CNGB3: variants seen among roughly 807,000 people sequenced by gnomAD.
CNGB3 encodes cyclic nucleotide gated channel subunit beta 3, also known as cyclic nucleotide-gated channel beta-3.
In CNGB3, 86 loss-of-function variants were observed where a neutral mutation model predicts 92.8. The ratio of observed to expected loss-of-function variants is 0.93; its 90% CI spans 0.78 to 1.11. The LOEUF is 1.11. Among genes scored for constraint, CNGB3 ranks in the 50% least tolerant of loss-of-function variants. The probability of loss-of-function intolerance (pLI) is 0.00; values close to 1 mark genes in which losing one functional copy is unlikely to be tolerated. For synonymous variants in CNGB3, 333 were observed against 332.7 expected (o/e 1.00, Z -0.01); for missense variants, 1,026 against 956.8 (o/e 1.07, Z -0.95).
intron 7 of CNGB3, among the ~76,000 whole-genome samples, chr8:86,649,310 A>C (rs1241188606): frequency 1.3e-5 from 2 of 151,688 alleles, no homozygotes; most frequent in East Asian, 1.9e-4. Context: ...CAGAATTAGA[A>C]AAAACAATTC....
At position 86,653,041 on chromosome 8, in the gene CNGB3, C is replaced by T. The variant is rs181371354; in HGVS notation, c.903+971G>A. On this transcript the variant is annotated intron_variant, in intron 7 of 17. Transcript: ENST00000320005. Reference sequence around the variant, plus strand: ...ACATTGCACTGTAATGTTATGATGGCTGTGATGTCACTAGGCAATAGGGAT... The same window carrying T: ...ACATTGCACTGTAATGTTATGATGGTTGTGATGTCACTAGGCAATAGGGAT... Among the ~76,000 whole-genome samples the T allele has an allele frequency of 7.9e-5, 12 of 152,214 alleles. No homozygotes were observed. In the East Asian group the frequency reaches 2.1e-3, roughly 27 times the overall value.
intron 3 of CNGB3, among the ~76,000 whole-genome samples, chr8:86,722,556 C>T (rs1371189879): frequency 6.6e-6 from 1 of 152,058 alleles, no homozygotes; most frequent in Non-Finnish European, 1.5e-5. Context: ...AGATATTTGG[C>T]CAAACATTAT....
chr8:86,657,380 T>A (rs1823531272), intron 6 of CNGB3: 1 of 458,262 alleles, frequency 2.2e-6, no homozygotes, highest in Admixed American at 2.4e-5. Context: ...GTGGCCGGCT[T>A]TTAGATGATG....
intron 11 of CNGB3, among the ~76,000 whole-genome samples, chr8:86,630,859 C>A (rs1822949028): frequency 6.6e-6 from 1 of 152,088 alleles, no homozygotes; most frequent in Non-Finnish European, 1.5e-5. Context: ...GGGCACAGAG[C>A]CAGACCCTGT....
chr8:86,693,590 C>T (rs944955078), intron 3 of CNGB3, among the ~76,000 whole-genome samples: 9 of 150,206 alleles, frequency 6.0e-5, no homozygotes, highest in Middle Eastern at 3.4e-3. Flanking sequence ...GAGGACCCTG[C>T]GGCCTTCCGC....
At position 86,578,808 on chromosome 8, in the gene CNGB3, G is replaced by T; in HGVS notation, c.1984C>A (p.Leu662Ile). The change falls in exon 17 of 18, where the codon CTT (leucine) becomes ATT (isoleucine). Residue 662 changes from leucine to isoleucine, a missense_variant. Coordinates refer to ENST00000320005, the MANE Select transcript of CNGB3 (RefSeq NM_019098.5). ...TAEATPPRKDLALLFPPKEET... is the reference protein window; with the variant it reads ...TAEATPPRKDIALLFPPKEET... ...TCTTTCGGTGGGAAGAGGAGGGCAA[G>T]ATCTTTTCTTGGAGGGGTTGCTTCT... 1 of 1,614,118 alleles carries T rather than the reference G, an allele frequency of 6.2e-7. No individual in the cohort carries two copies. The highest frequency in any genetic ancestry group is 1.6e-4 in the Middle Eastern group (1 of 6,062).
chr8:86,643,863 T>A lies in CNGB3; in HGVS notation c.1066A>T (p.Thr356Ser). ...DKAYIYRVIR[T>S]TGYLLFILHI... Reference sequence around the variant, plus strand: ...AGAATAAACAGCAAGTATCCAGTTGTTCGAATAACTCTGTCAGAGAGAATA... The same window carrying A: ...AGAATAAACAGCAAGTATCCAGTTGATCGAATAACTCTGTCAGAGAGAATA... Residue 356 changes from threonine to serine, a missense_variant, in exon 10 of 18, where the codon ACA (threonine) becomes TCA (serine). Thr to Ser is a moderately conservative substitution (Grantham distance 58). Transcript: ENST00000320005. The A allele has an allele frequency of 6.2e-7, 1 of 1,605,994 alleles. No individual in the cohort carries two copies.
At chr8:86,665,846 A>G (rs58714138) in intron 6 of CNGB3, among the ~76,000 whole-genome samples, 16,936 of 152,142 alleles carry the variant, frequency 0.11, 1,412 homozygotes, top group African/African-American at 0.23. Flanking sequence ...GCATCACCCA[A>G]GATACCCAGG....
intron 3 of CNGB3, among the ~76,000 whole-genome samples, chr8:86,689,912 A>C (rs897005146): frequency 2.0e-5 from 3 of 152,146 alleles, no homozygotes; most frequent in Non-Finnish European, 4.4e-5. Context: ...TTATGGCTGC[A>C]TAGTATTCCA....
intron 8 of CNGB3, among the ~76,000 whole-genome samples, chr8:86,645,399 C>T (rs187331421): frequency 1.3e-5 from 2 of 151,360 alleles, no homozygotes; most frequent in Admixed American, 6.6e-5. Context: ...AGTTCTATCT[C>T]TACCACTTAC....
rs1821642406 is a variant in CNGB3, at chr8:86,575,614, C to T, written c.*190G>A. 1 of 529,448 alleles carries T rather than the reference C, an allele frequency of 1.9e-6. No individual in the cohort carries two copies. The highest frequency in any genetic ancestry group is 3.1e-5 in the South Asian group (1 of 32,232). The allele number at this position is 529,448 out of a possible 1,614,324, so 32.8% of individuals were successfully genotyped here. ...TAATGAAAACGGAGAATAGGGATGG[C>T]TTTTAATAATCTTCTTATTACCACT... On this transcript the variant is annotated 3_prime_UTR_variant, in exon 18 of 18. Transcript: ENST00000320005.
chr8:86,729,651 CTCA>C (rs754265481), intron 2 of CNGB3, among the ~76,000 whole-genome samples: 13 of 152,208 alleles, frequency 8.5e-5, no homozygotes, highest in Admixed American at 6.5e-4. Context: ...CCCATGAGGA[CTCA>C]AAACAAAAGA....
chr8:86,652,602 T>C (rs532027108), intron 7 of CNGB3, among the ~76,000 whole-genome samples: 1 of 152,142 alleles, frequency 6.6e-6, no homozygotes, highest in Admixed American at 6.6e-5. Context: ...CTTTTAAGCT[T>C]TTTTGTTAAA....
chr8:86,712,953 T>TAAAAAAAG (rs1824778283), intron 3 of CNGB3, among the ~76,000 whole-genome samples: 1 of 151,246 alleles, frequency 6.6e-6, no homozygotes, highest in African/African-American at 2.4e-5. Flanking sequence ...TTAACTAGTT[T>TAAAAAAAG]AAAAAAAGAA....
chr8:86,647,861 A>C lies in CNGB3; in HGVS notation c.930T>G (p.Phe310Leu). The change falls in exon 8 of 18, where the codon TTT becomes TTG. Residue 310 changes from phenylalanine (F) to leucine (L), a missense_variant. Physicochemically the swap from Phe to Leu is conservative, Grantham distance 22. Coordinates refer to ENST00000320005, the MANE Select transcript of CNGB3 (RefSeq NM_019098.5). ...ACCCAAAGAAGAGGTAGCAAATATC[A>C]AATGGTATTATTGATGCGACATCCA... is the stretch of plus-strand genomic sequence containing the variant. The part of the protein sequence containing the change: ...FQLDVASIIP[F>L]DICYLFFGFN... 2 of 1,598,374 alleles carry C rather than the reference A, an allele frequency of 1.3e-6. No homozygotes were observed. The highest frequency in any genetic ancestry group is 1.7e-6 in the Non-Finnish European group (2 of 1,166,522).
intron 3 of CNGB3, among the ~76,000 whole-genome samples, chr8:86,687,489 TC>T (rs1824212075): frequency 6.6e-6 from 1 of 152,002 alleles, no homozygotes; most frequent in Admixed American, 6.6e-5. Flanking sequence ...ACAGACAAGT[TC>T]ATAGAGACAA....
chr8:86,707,131 CCCAT>C (rs1191107058), intron 3 of CNGB3, among the ~76,000 whole-genome samples: 1 of 152,126 alleles, frequency 6.6e-6, no homozygotes. Flanking sequence ...CTAAAAGGCT[CCCAT>C]CCATCCATCC....
intron 3 of CNGB3, among the ~76,000 whole-genome samples, chr8:86,724,306 T>A (rs1825020928): frequency 6.6e-6 from 1 of 152,146 alleles, no homozygotes; most frequent in Admixed American, 6.6e-5. Context: ...TTTTTCCTCA[T>A]TATCTTTGCA....
At chr8:86,709,388 A>T (rs187552869) in intron 3 of CNGB3, among the ~76,000 whole-genome samples, 24 of 152,130 alleles carry the variant, frequency 1.6e-4, no homozygotes, top group Admixed American at 9.8e-4. Flanking sequence ...TTGTCTGTCA[A>T]TGTCTTACAA....
Sources: gnomAD v4.1 joint callset for allele counts (sites outside exome capture counted in the v4.1 genomes callset) on GRCh38, gnomAD v4.1.1 for gene constraint, MANE v1.5 for transcripts, NCBI Gene and HGNC (gene_info 2026-07-23, HGNC 2026-07-21) for gene names.